Variants in HEMK2 observed in about 807,000 individuals in gnomAD.
HEMK2 encodes the protein HemK methyltransferase 2, ETF1 glutamine and histone H4 lysine.
chr21:28,683,797 T>A, the HEMK2 span, among the ~76,000 whole-genome samples: 2 of 151,922 alleles, frequency 1.3e-5, no homozygotes, highest in African/African-American at 2.4e-5. Flanking sequence ...TAAAAGAAAA[T>A]TTAACATGAA....
At chr21:28,769,676 C>T in the HEMK2 span, among the ~76,000 whole-genome samples, 1 of 152,038 alleles carries the variant, frequency 6.6e-6, no homozygotes, top group South Asian at 2.1e-4. Context: ...AAAAGGGAAC[C>T]AGTGAACTGA....
chr21:28,645,558 T>G, the HEMK2 span, among the ~76,000 whole-genome samples: 9 of 148,724 alleles, frequency 6.1e-5, no homozygotes, highest in African/African-American at 2.2e-4. Flanking sequence ...AACTTAGCTG[T>G]TTTTTTTTTA....
chr21:28,607,669 G>C, the HEMK2 span, among the ~76,000 whole-genome samples: 2 of 152,128 alleles, frequency 1.3e-5, no homozygotes, highest in South Asian at 4.1e-4. Context: ...AGCTCATTCT[G>C]TCTTATTTAT....
chr21:28,604,875 C>T, the HEMK2 span, among the ~76,000 whole-genome samples: 1 of 152,186 alleles, frequency 6.6e-6, no homozygotes, highest in Non-Finnish European at 1.5e-5. Flanking sequence ...TTGAAGTCTT[C>T]TTTGATGCAT....
the HEMK2 span, among the ~76,000 whole-genome samples, chr21:28,826,391 A>C: frequency 6.6e-6 from 1 of 152,220 alleles, no homozygotes; most frequent in African/African-American, 2.4e-5. Flanking sequence ...TAAAACACTA[A>C]AGGACATTTA....
the HEMK2 span, among the ~76,000 whole-genome samples, chr21:28,878,946 T>C: frequency 2.7e-5 from 4 of 148,082 alleles, 1 homozygote; most frequent in South Asian, 8.3e-4. Flanking sequence ...ATTAAATATA[T>C]ATATTTATTA....
At chr21:28,748,690 C>T in the HEMK2 span, among the ~76,000 whole-genome samples, 1 of 152,218 alleles carries the variant, frequency 6.6e-6, no homozygotes, top group African/African-American at 2.4e-5. Context: ...TCTGGGAAAA[C>T]ATGCACCATT....
At chr21:28,688,145 C>G in the HEMK2 span, among the ~76,000 whole-genome samples, 1 of 152,114 alleles carries the variant, frequency 6.6e-6, no homozygotes, top group East Asian at 1.9e-4. Context: ...CACAACTGCA[C>G]GTCAAATGAA....
At chr21:28,865,029 GCCTTAA>G in the HEMK2 span, among the ~76,000 whole-genome samples, 1 of 151,420 alleles carries the variant, frequency 6.6e-6, no homozygotes, top group African/African-American at 2.4e-5. Context: ...CATTCCCACA[GCCTTAA>G]CCTCAGTTCA....
the HEMK2 span, among the ~76,000 whole-genome samples, chr21:28,804,781 C>T: frequency 2.0e-5 from 3 of 152,182 alleles, no homozygotes; most frequent in Non-Finnish European, 4.4e-5. Flanking sequence ...ATGGCATGTG[C>T]ACATTTCTTT....
chr21:28,638,452 C>T, the HEMK2 span, among the ~76,000 whole-genome samples: 1 of 152,158 alleles, frequency 6.6e-6, no homozygotes, highest in Non-Finnish European at 1.5e-5. Flanking sequence ...GAGAGGCCAG[C>T]AAGATCCTGA....
the HEMK2 span, among the ~76,000 whole-genome samples, chr21:28,800,100 C>G: frequency 1.4e-4 from 21 of 152,312 alleles, 1 homozygote; most frequent in South Asian, 4.4e-3. Context: ...ACGGAAACTC[C>G]TCATGGCTGT....
At chr21:28,836,968 C>T in the HEMK2 span, among the ~76,000 whole-genome samples, 1 of 152,148 alleles carries the variant, frequency 6.6e-6, no homozygotes, top group Admixed American at 6.5e-5. Context: ...GAAAATATCA[C>T]AATCCTAAAC....
chr21:28,601,471 C>A, the HEMK2 span, among the ~76,000 whole-genome samples: 1 of 152,138 alleles, frequency 6.6e-6, no homozygotes, highest in African/African-American at 2.4e-5. Context: ...CAAATGTAAT[C>A]CTCCAGTCGA....
chr21:28,803,645 G>A, the HEMK2 span, among the ~76,000 whole-genome samples: 3 of 152,038 alleles, frequency 2.0e-5, no homozygotes, highest in Non-Finnish European at 2.9e-5. Flanking sequence ...CCTCTATTAG[G>A]CTCCTCCATA....
chr21:28,745,378 G>C, the HEMK2 span, among the ~76,000 whole-genome samples: 42 of 152,322 alleles, frequency 2.8e-4, no homozygotes, highest in South Asian at 8.7e-3. Flanking sequence ...GAATCGGCTT[G>C]TTATTTAAAC....
the HEMK2 span, among the ~76,000 whole-genome samples, chr21:28,681,838 G>A: frequency 9.5e-4 from 145 of 152,240 alleles, 1 homozygote; most frequent in Non-Finnish European, 6.5e-4. Flanking sequence ...TGGGAGAACT[G>A]GCTAGCCATA....
the HEMK2 span, among the ~76,000 whole-genome samples, chr21:28,590,762 G>A: frequency 6.6e-5 from 10 of 152,170 alleles, no homozygotes; most frequent in African/African-American, 2.4e-4. Context: ...TCAATGCTTG[G>A]GCGTTATTGG....
chr21:28,686,897 C>T, the HEMK2 span, among the ~76,000 whole-genome samples: 1 of 152,164 alleles, frequency 6.6e-6, no homozygotes, highest in Non-Finnish European at 1.5e-5. Context: ...TTAGCCAATC[C>T]ATATGTTCAA....
Sources: gnomAD v4.1 joint callset for allele counts (sites outside exome capture counted in the v4.1 genomes callset) on GRCh38, gnomAD v4.1.1 for gene constraint, MANE v1.5 for transcripts, NCBI Gene and HGNC (gene_info 2026-07-23, HGNC 2026-07-21) for gene names.